The following CPM variants were observed in gnomAD, a reference collection of about 807,000 sequenced individuals.
The protein encoded by CPM is carboxypeptidase M.
A neutral mutation model predicts 46.4 loss-of-function variants in CPM; 35 were observed. The ratio of observed to expected loss-of-function variants is 0.75; its 90% CI spans 0.58 to 1.00. The LOEUF (loss-of-function observed/expected upper bound fraction) is 1.00. CPM is among the 50% of genes least tolerant of loss of function. The pLI is 0.00. For missense variants in CPM, 422 were observed against 530.4 expected (o/e 0.80, Z 2.01); for synonymous variants, 195 against 195.3 (o/e 1.00, Z 0.01).
At chr12:68,938,060 C>T (rs1438945451), upstream of CPM, among the ~76,000 whole-genome samples, 1 of 152,090 alleles carries the variant, frequency 6.6e-6, no homozygotes, top group African/African-American at 2.4e-5. Flanking sequence ...AAGATAGTAG[C>T]AGGAATTGGG....
At chr12:68,947,123 C>T (rs1888860156) in intron 1 of CPM, among the ~76,000 whole-genome samples, 1 of 152,128 alleles carries the variant, frequency 6.6e-6, no homozygotes, top group Non-Finnish European at 1.5e-5. Context: ...CATTCAAGAG[C>T]ACAGAAGGTG....
At chr12:68,917,935 A>G (rs1456320299) in intron 2 of CPM, among the ~76,000 whole-genome samples, 2 of 152,162 alleles carry the variant, frequency 1.3e-5, no homozygotes, top group Non-Finnish European at 2.9e-5. Context: ...CCCTACAGAG[A>G]GAGGACAAGA....
chr12:68,861,220 CTA>C (rs1885196801), intron 7 of CPM, among the ~76,000 whole-genome samples: 1 of 152,084 alleles, frequency 6.6e-6, no homozygotes, highest in African/African-American at 2.4e-5. Context: ...TTAAGAAAAA[CTA>C]TGTGGTGTGG....
chr12:68,956,808 G>A (rs1889027489), intron 1 of CPM, among the ~76,000 whole-genome samples: 1 of 152,040 alleles, frequency 6.6e-6, no homozygotes, highest in African/African-American at 2.4e-5. Flanking sequence ...TTTTACTTAT[G>A]GATAGACATA....
intron 2 of CPM, among the ~76,000 whole-genome samples, chr12:68,909,981 T>TATAATA: frequency 6.7e-6 from 1 of 150,024 alleles, no homozygotes; most frequent in South Asian, 2.1e-4. Context: ...AACTTAAAAG[T>TATAATA]ATAATAATAA....
intron 2 of CPM, among the ~76,000 whole-genome samples, chr12:68,927,639 C>G (rs919898521): frequency 6.6e-6 from 1 of 152,044 alleles, no homozygotes; most frequent in African/African-American, 2.4e-5. Context: ...AGTCCTTGCC[C>G]GTGCCTATGT....
intron 2 of CPM, among the ~76,000 whole-genome samples, chr12:68,923,111 G>A (rs1171394798): frequency 1.3e-5 from 2 of 149,038 alleles, no homozygotes; most frequent in African/African-American, 2.5e-5. Context: ...GACTAAATTT[G>A]ACTTAGTCTC....
At chr12:68,870,177 G>A in intron 5 of CPM, 38 bp downstream of exon 5, 1 of 1,589,626 alleles carries the variant, frequency 6.3e-7, no homozygotes, top group Admixed American at 1.8e-5. Context: ...GCCCCACTCT[G>A]GACTTAAGAA....
intron 2 of CPM, among the ~76,000 whole-genome samples, chr12:68,929,372 T>G (rs1191416088): frequency 6.6e-6 from 1 of 152,018 alleles, no homozygotes; most frequent in Non-Finnish European, 1.5e-5. Flanking sequence ...ACAAAGGGGT[T>G]GGGGCAAAAA....
intron 7 of CPM, chr12:68,866,687 C>T: frequency 3.9e-6 from 2 of 509,940 alleles, no homozygotes. Context: ...GAACATGCAT[C>T]ATGCTTCCTT....
chr12:68,910,823 GAT>G (rs1887565350), intron 2 of CPM, among the ~76,000 whole-genome samples: 1 of 152,092 alleles, frequency 6.6e-6, no homozygotes, highest in South Asian at 2.1e-4. Flanking sequence ...GATTCTATAA[GAT>G]AGAAAGCTCT....
intron 2 of CPM, among the ~76,000 whole-genome samples, chr12:68,899,462 A>G (rs553120783): frequency 6.6e-6 from 1 of 152,360 alleles, no homozygotes; most frequent in African/African-American, 2.4e-5. Flanking sequence ...TGTTCTCAAA[A>G]TTATTGAGGA....
At position 68,871,868 on chromosome 12, in the gene CPM, C is replaced by T. The variant is rs748665239; in HGVS notation, c.347G>A (p.Ser116Asn). 5.6e-6 allele frequency: 9 copies of T among 1,614,142 alleles called. No individual in the cohort carries two copies. The Admixed American group carries it at 1.3e-4, about 24-fold the overall frequency. The change falls in exon 4 of 9, where the codon AGT becomes AAT. Residue 116 changes from serine to asparagine, a missense_variant. Physicochemically the swap from Ser to Asn is conservative, Grantham distance 46. Transcript: ENST00000551568. ...GGAAGGCATGATGTGTATCCGGGTA[C>T]TATTGATCAGATTTGTGATTTCAGG... ...KDPEITNLIN[S>N]TRIHIMPSMN...
chr12:68,910,459 C>A (rs1817897), intron 2 of CPM, among the ~76,000 whole-genome samples: 6,116 of 152,172 alleles, frequency 0.04, 414 homozygotes, highest in African/African-American at 0.14. Flanking sequence ...CATGTCAAAA[C>A]ATATAAATCT....
At chr12:68,865,448 C>T (rs1338618756) in intron 7 of CPM, among the ~76,000 whole-genome samples, 2 of 152,158 alleles carry the variant, frequency 1.3e-5, no homozygotes, top group African/African-American at 4.8e-5. Flanking sequence ...GAGGAAGGGT[C>T]CTAATCATCC....
chr12:68,864,173 G>A (rs1885329090), intron 7 of CPM, among the ~76,000 whole-genome samples: 1 of 152,244 alleles, frequency 6.6e-6, no homozygotes, highest in Admixed American at 6.5e-5. Flanking sequence ...GGCTGGGCAT[G>A]GTGGCTCATG....
Position 68,844,529 on chromosome 12 carries a change from G to A in CPM, c.534-2200C>T, listed in dbSNP as rs560334954. 364 of 228,398 alleles carry A rather than the reference G, an allele frequency of 1.6e-3. 1 individual carries two copies. Among genetic ancestry groups the A allele is most frequent in the Non-Finnish European group, 2.5e-3 (283 of 115,000 alleles). 14.1% of individuals were successfully genotyped at this position (228,398 alleles called of 1,614,324 possible). On this transcript the variant is annotated intron_variant, in intron 5 of 5. Coordinates refer to the CPM transcript ENST00000551897. Reference sequence around the variant, plus strand: ...GGGAGGGGAGTTTGGGCTAGCCACCGTACCACTTGTCAGCGTGAAAAGTAA... The same window carrying A: ...GGGAGGGGAGTTTGGGCTAGCCACCATACCACTTGTCAGCGTGAAAAGTAA...
intron 2 of CPM, among the ~76,000 whole-genome samples, chr12:68,890,145 A>C (rs1886595671): frequency 6.6e-6 from 1 of 152,022 alleles, no homozygotes. Context: ...ACTGAGGTGC[A>C]AGGATCCCTT....
chr12:68,873,250 A>C (rs983918295), intron 3 of CPM, among the ~76,000 whole-genome samples: 6 of 152,218 alleles, frequency 3.9e-5, no homozygotes, highest in Admixed American at 2.6e-4. Context: ...TCACTGTAGG[A>C]CTTCAACATT....
Sources: gnomAD v4.1 joint callset for allele counts (sites outside exome capture counted in the v4.1 genomes callset) on GRCh38, gnomAD v4.1.1 for gene constraint, MANE v1.5 for transcripts, NCBI Gene and HGNC (gene_info 2026-07-23, HGNC 2026-07-21) for gene names.